The following NRXN1 variants were observed in gnomAD, a reference collection of about 807,000 sequenced individuals.
NRXN1 encodes the protein neurexin 1.
Under a neutral mutation model 150.9 loss-of-function variants are expected in NRXN1, and 39 were observed. The ratio of observed to expected loss-of-function variants is 0.26; its 90% CI spans 0.20 to 0.34. NRXN1 has a LOEUF of 0.34. Among genes scored for constraint, NRXN1 ranks in the 10% least tolerant of loss-of-function variants. The probability of loss-of-function intolerance (pLI) is 1.00; values close to 1 mark genes in which losing one functional copy is unlikely to be tolerated. For synonymous variants in NRXN1, 924 were observed against 757.0 expected, an observed-to-expected ratio of 1.22 and a Z score of -3.62; for missense variants, 1,815 against 1,949.9, an observed-to-expected ratio of 0.93 and a Z score of 1.30.
chr2:50,241,836 C>T (rs2066027403), intron 17 of NRXN1, among the ~76,000 whole-genome samples: 1 of 151,736 alleles, frequency 6.6e-6, no homozygotes, highest in Non-Finnish European at 1.5e-5. Context: ...ACTTCAGCCT[C>T]ACGTCAATTC....
intron 17 of NRXN1, among the ~76,000 whole-genome samples, chr2:50,344,071 G>C (rs895716066): frequency 1.3e-5 from 2 of 151,992 alleles, no homozygotes; most frequent in African/African-American, 4.8e-5. Flanking sequence ...TTACTTGTGG[G>C]TCCTTTGTCC....
chr2:49,979,798 A>T (rs2152506035), intron 21 of NRXN1, among the ~76,000 whole-genome samples: 1 of 152,260 alleles, frequency 6.6e-6, no homozygotes, highest in African/African-American at 2.4e-5. Context: ...GAGTACCATT[A>T]AATTCCTATT....
rs11895759 is a variant in NRXN1 at position 50,889,333 on chromosome 2, T to C, written c.832+32536A>G. 0.012 allele frequency among the ~76,000 whole-genome samples: 1,872 copies of C among 151,848 alleles called. 36 individuals carry two copies. The highest frequency in any genetic ancestry group is 0.042 in the African/African-American group (1,738 of 41,524). On this transcript the variant is annotated intron_variant, in intron 5 of 22. Transcript: ENST00000401669. ...TTATTTGTGTACTCTTGCATATTAATATGTTGAGTTGCTTAAAGATAGTAA... is the reference window on the plus strand; with the variant it reads ...TTATTTGTGTACTCTTGCATATTAACATGTTGAGTTGCTTAAAGATAGTAA...
At chr2:50,209,841 G>T (rs779102287) in intron 18 of NRXN1, among the ~76,000 whole-genome samples, 5 of 140,626 alleles carry the variant, frequency 3.6e-5, no homozygotes, top group African/African-American at 5.4e-5. Context: ...TTAAATCTCA[G>T]TTGTACTTAA....
At chr2:50,109,639 T>G (rs1702118649) in intron 18 of NRXN1, among the ~76,000 whole-genome samples, 1 of 152,066 alleles carries the variant, frequency 6.6e-6, no homozygotes. Context: ...CAACCAAATC[T>G]GGCTTGTTCT....
At chr2:50,485,059 T>C (rs2090767108) in intron 15 of NRXN1, among the ~76,000 whole-genome samples, 1 of 152,152 alleles carries the variant, frequency 6.6e-6, no homozygotes, top group Non-Finnish European at 1.5e-5. Flanking sequence ...ACGTGACAAA[T>C]GAATAACTCA....
chr2:50,021,773 A>G (rs1292846670), intron 21 of NRXN1, among the ~76,000 whole-genome samples: 2 of 152,208 alleles, frequency 1.3e-5, no homozygotes, highest in Admixed American at 6.5e-5. Context: ...TCATCTATTC[A>G]GAAGTCCTCT....
At chr2:50,775,848 C>T (rs1703559435) in intron 5 of NRXN1, among the ~76,000 whole-genome samples, 1 of 152,068 alleles carries the variant, frequency 6.6e-6, no homozygotes, top group Admixed American at 6.6e-5. Flanking sequence ...AAATGTCTCT[C>T]AGTTTATCCA....
intron 18 of NRXN1, among the ~76,000 whole-genome samples, chr2:50,224,298 T>C (rs1313456026): frequency 6.6e-6 from 1 of 151,974 alleles, no homozygotes; most frequent in African/African-American, 2.4e-5. Context: ...ATCTGTATGA[T>C]TTTGGTCAAT....
chr2:50,221,984 C>T lies in NRXN1; in HGVS notation c.3546+14805G>A, dbSNP rs374458818. On this transcript the variant is annotated intron_variant, in intron 18 of 22. Transcript: ENST00000401669. ...TATTAATACATTTAAAAGCCTGTCA[C>T]GTTCCATGGTGTTCACGAGTCCTGG... 9.9e-5 allele frequency among the ~76,000 whole-genome samples: 15 copies of T among 152,078 alleles called. No individual in the cohort carries two copies. In the South Asian group the frequency reaches 2.7e-3, roughly 27 times the overall value.
rs1696357634 is a variant in NRXN1, at chr2:50,979,029, T to G, written c.772+48473A>C. On this transcript the variant is annotated intron_variant, in intron 2 of 22. Coordinates refer to ENST00000401669, the MANE Select transcript of NRXN1 (RefSeq NM_001330078.2). ...TTACATAGGAAAAATAATTTCAGCA[T>G]AACTCATATGTCCCAACTCTCCTCT... Among the ~76,000 whole-genome samples, 4 of 152,126 alleles carry G rather than the reference T, an allele frequency of 2.6e-5. No homozygotes were observed. In the South Asian group the frequency reaches 8.3e-4, roughly 31 times the overall value.
intron 18 of NRXN1, among the ~76,000 whole-genome samples, chr2:50,121,630 T>C (rs1245147504): frequency 6.6e-6 from 1 of 152,174 alleles, no homozygotes; most frequent in Admixed American, 6.5e-5. Context: ...TACACTACAT[T>C]GAAGGCTCAC....
intron 8 of NRXN1, among the ~76,000 whole-genome samples, chr2:50,605,392 C>G (rs1676928909): frequency 6.6e-6 from 1 of 152,118 alleles, no homozygotes; most frequent in Non-Finnish European, 1.5e-5. Context: ...AATAAATGAA[C>G]ACATTTGGAG....
chr2:50,792,685 T>A (rs562170695), intron 5 of NRXN1, among the ~76,000 whole-genome samples: 2 of 152,124 alleles, frequency 1.3e-5, no homozygotes, highest in African/African-American at 2.4e-5. Context: ...ACTTTTTTTT[T>A]ATCACAAGAG....
At chr2:50,085,131 A>C (rs956203102) in intron 19 of NRXN1, among the ~76,000 whole-genome samples, 1 of 152,220 alleles carries the variant, frequency 6.6e-6, no homozygotes, top group Non-Finnish European at 1.5e-5. Flanking sequence ...ACATTTAATG[A>C]TTTCCAATGG....
Position 50,190,774 on chromosome 2 carries a change from G to A in NRXN1, c.3546+46015C>T, listed in dbSNP as rs564182487. Among the ~76,000 whole-genome samples the A allele has an allele frequency of 7.3e-5, 11 of 150,690 alleles. No individual in the cohort carries two copies. In the East Asian group the frequency reaches 1.6e-3, roughly 22 times the overall value. On this transcript the variant is annotated intron_variant, in intron 18 of 22. Transcript: ENST00000401669. The stretch of plus-strand genomic sequence containing the variant: ...ATTACAGGCATGCGCCACCATGGCC[G>A]GCTAATTTTGTATTTTTAGTAGAGA...
At position 50,678,501 on chromosome 2, in the gene NRXN1, A is replaced by G. The variant is rs551499905; in HGVS notation, c.833-54886T>C. On this transcript the variant is annotated intron_variant, in intron 5 of 22. Coordinates refer to ENST00000401669, the MANE Select transcript of NRXN1 (RefSeq NM_001330078.2). ...TATATTCATTTTACATGTTTCAACT[A>G]GAATCAACTCTTACAAGTCTGCCTT... is the stretch of plus-strand genomic sequence containing the variant. 2.2e-4 allele frequency among the ~76,000 whole-genome samples: 34 copies of G among 152,306 alleles called. 1 individual carries two copies. The South Asian group carries it at 6.8e-3, about 31-fold the overall frequency.
intron 5 of NRXN1, among the ~76,000 whole-genome samples, chr2:50,907,687 T>C (rs1183743111): frequency 6.6e-6 from 1 of 151,880 alleles, no homozygotes; most frequent in Non-Finnish European, 1.5e-5. Context: ...GTTACTGGCT[T>C]TGAAGATGAA....
intron 18 of NRXN1, among the ~76,000 whole-genome samples, chr2:50,168,302 T>C (rs545313469): frequency 2.6e-5 from 4 of 152,324 alleles, no homozygotes; most frequent in African/African-American, 9.6e-5. Flanking sequence ...ATTTTAGCAA[T>C]AATTTACCTA....
Sources: allele counts gnomAD v4.1 joint callset (sites outside exome capture counted in the v4.1 genomes callset), GRCh38; gene constraint gnomAD v4.1.1; transcripts MANE v1.5; gene names NCBI Gene and HGNC (gene_info 2026-07-23, HGNC 2026-07-21).